CACNA1E: variants seen among roughly 807,000 people sequenced by gnomAD.
CACNA1E encodes calcium voltage-gated channel subunit alpha1 E.
Under a neutral mutation model 259.2 loss-of-function variants are expected in CACNA1E, and 40 were observed. The observed-to-expected ratio is 0.15, with a 90% CI of 0.12 to 0.20. CACNA1E has a LOEUF of 0.20. Among genes scored for constraint, CACNA1E ranks in the 10% least tolerant of loss-of-function variants. The pLI is 1.00. For missense variants in CACNA1E, 1,874 were observed against 3,040.1 expected, an observed-to-expected ratio of 0.62 and a Z score of 9.02; for synonymous variants, 1,104 against 1,138.5, an observed-to-expected ratio of 0.97 and a Z score of 0.61.
At chr1:181,385,889 C>G (rs1309103365) in intron 1 of CACNA1E, among the ~76,000 whole-genome samples, 1 of 150,444 alleles carries the variant, frequency 6.6e-6, no homozygotes, top group Non-Finnish European at 1.5e-5. Flanking sequence ...CTCTCTTCCT[C>G]CCTTCCTTCA....
At chr1:181,432,931 T>C (rs1659816178) in intron 2 of CACNA1E, among the ~76,000 whole-genome samples, 1 of 152,242 alleles carries the variant, frequency 6.6e-6, no homozygotes, top group Admixed American at 6.5e-5. Context: ...CCAAAAATAT[T>C]ATCATTTCAA....
At chr1:181,684,070 C>G (rs1251281324) in intron 7 of CACNA1E, among the ~76,000 whole-genome samples, 2 of 152,192 alleles carry the variant, frequency 1.3e-5, no homozygotes. Flanking sequence ...CTGCTTTCCA[C>G]AGTGGCTGAA....
intron 1 of CACNA1E, among the ~76,000 whole-genome samples, chr1:181,408,028 C>A (rs1429228619): frequency 1.3e-5 from 2 of 152,198 alleles, no homozygotes; most frequent in Admixed American, 6.5e-5. Flanking sequence ...CACTTGTATG[C>A]CTACCACTCA....
intron 1 of CACNA1E, among the ~76,000 whole-genome samples, chr1:181,360,174 C>T (rs926382602): frequency 1.1e-4 from 16 of 152,138 alleles, no homozygotes; most frequent in African/African-American, 3.9e-4. Flanking sequence ...ATAGGGTTCA[C>T]CCTAAAAAAC....
intron 3 of CACNA1E, among the ~76,000 whole-genome samples, chr1:181,540,560 G>A (rs1668502323): frequency 2.0e-5 from 3 of 152,172 alleles, no homozygotes; most frequent in Admixed American, 6.5e-5. Context: ...GAAAAACAAC[G>A]TGTGCAGGAA....
intron 3 of CACNA1E, among the ~76,000 whole-genome samples, chr1:181,521,107 G>A (rs1666963102): frequency 6.6e-6 from 1 of 152,232 alleles, no homozygotes; most frequent in Non-Finnish European, 1.5e-5. Context: ...CTTGGTGACA[G>A]AACATTTAGG....
intron 18 of CACNA1E, among the ~76,000 whole-genome samples, chr1:181,728,703 G>T (rs1422824713): frequency 6.6e-6 from 1 of 151,322 alleles, no homozygotes; most frequent in Non-Finnish European, 1.5e-5. Flanking sequence ...CCCTACACAG[G>T]TGTGTGTGCT....
chr1:181,755,847 A>G (rs1393381547), intron 28 of CACNA1E, 109 bp from the exon 29 acceptor site: 8 of 1,142,872 alleles, frequency 7.0e-6, no homozygotes, highest in Non-Finnish European at 7.4e-6. Flanking sequence ...TTACACATGT[A>G]TGGTGATCAT....
At chr1:181,689,439 CAT>C (rs1650916965) in intron 7 of CACNA1E, among the ~76,000 whole-genome samples, 3 of 152,088 alleles carry the variant, frequency 2.0e-5, no homozygotes, top group African/African-American at 4.8e-5. Context: ...CTGCAGTAAA[CAT>C]GTGTGCATAT....
chr1:181,511,431 GCC>G lies in CACNA1E; in HGVS notation c.435_436del (p.Leu146GlyfsTer6). 6.2e-7 allele frequency: 1 copy of G among 1,613,984 alleles called. No homozygotes were observed. Among genetic ancestry groups the G allele is most frequent in the Non-Finnish European group, 8.5e-7 (1 of 1,179,874 alleles). ...FCFEAGIKIVALGFIFHKGSY... is the reference protein window; with the variant it reads ...FCFEAGIKIVXLGFIFHKGSY... ...CTTTGAAGCTGGGATCAAAATTGTG[GCC>G]CTGGGGTTCATCTTCCATAAGGGCT... On this transcript the variant is annotated frameshift_variant, in exon 3 of 48. Transcript: ENST00000367573. LOFTEE classifies it high-confidence loss of function.
chr1:181,779,495 C>T (rs1331255848), intron 38 of CACNA1E: 1 of 455,426 alleles, frequency 2.2e-6, no homozygotes. Context: ...GATCTCGCCT[C>T]CTCTGGGCCT....
intron 43 of CACNA1E, among the ~76,000 whole-genome samples, chr1:181,786,888 A>G (rs924651592): frequency 6.6e-6 from 1 of 152,202 alleles, no homozygotes; most frequent in Non-Finnish European, 1.5e-5. Context: ...TTTGAAAAGC[A>G]CTGTTTTCAG....
intron 1 of CACNA1E, among the ~76,000 whole-genome samples, chr1:181,346,259 T>C (rs932451806): frequency 1.3e-5 from 2 of 152,202 alleles, no homozygotes; most frequent in Admixed American, 1.3e-4. Context: ...CTCTGGAAGA[T>C]TTTCCTGGGT....
intron 7 of CACNA1E, among the ~76,000 whole-genome samples, chr1:181,696,544 A>C (rs1651726760): frequency 6.6e-6 from 1 of 152,178 alleles, no homozygotes. Flanking sequence ...CCCAGGGAGG[A>C]GTCGTTATTG....
intron 39 of CACNA1E, 140 bp downstream of exon 39, chr1:181,781,663 A>G (rs1355110699): frequency 3.1e-6 from 2 of 650,526 alleles, no homozygotes; most frequent in South Asian, 1.7e-5. Context: ...ATGAGACTGA[A>G]GAGTCAGGAA....
At chr1:181,338,488 T>C (rs1454193188) in intron 1 of CACNA1E, among the ~76,000 whole-genome samples, 1 of 141,764 alleles carries the variant, frequency 7.1e-6, no homozygotes, top group Non-Finnish European at 1.5e-5. Context: ...AAATGTCTAT[T>C]CAGGTCATTT....
At chr1:181,410,316 T>C (rs964120033) in intron 1 of CACNA1E, among the ~76,000 whole-genome samples, 1 of 152,234 alleles carries the variant, frequency 6.6e-6, no homozygotes, top group Admixed American at 6.5e-5. Flanking sequence ...CCAAGCTCAT[T>C]CTGGACTCCT....
intron 1 of CACNA1E, among the ~76,000 whole-genome samples, chr1:181,342,150 A>G (rs1652198952): frequency 1.3e-5 from 2 of 152,310 alleles, no homozygotes; most frequent in African/African-American, 4.8e-5. Flanking sequence ...TTCTAGGCAA[A>G]GGGAAGGGCA....
At chr1:181,775,711 A>G (rs1306891227) in intron 37 of CACNA1E, among the ~76,000 whole-genome samples, 3 of 152,212 alleles carry the variant, frequency 2.0e-5, no homozygotes, top group Admixed American at 2.0e-4. Context: ...AATTACATGG[A>G]ATTCAAATTT....
Sources: allele counts gnomAD v4.1 joint callset (sites outside exome capture counted in the v4.1 genomes callset), GRCh38; gene constraint gnomAD v4.1.1; transcripts MANE v1.5; gene names NCBI Gene and HGNC (gene_info 2026-07-23, HGNC 2026-07-21).